The following ACAP2 variants were observed in gnomAD, a reference collection of about 807,000 sequenced individuals.
ACAP2 encodes arf-GAP with coiled-coil, ANK repeat and PH domain-containing protein 2.
In ACAP2, 39 loss-of-function variants were observed where a neutral mutation model predicts 115.8. That is an observed-to-expected ratio of 0.34 (90% CI 0.26 to 0.44). The LOEUF (loss-of-function observed/expected upper bound fraction) is 0.44, where lower values mean the gene tolerates loss of function less well. Ranked by LOEUF, ACAP2 falls within the 20% of genes least tolerant of loss-of-function variation. The pLI is 1.00. For missense variants in ACAP2, 662 were observed against 927.6 expected, an observed-to-expected ratio of 0.71 and a Z score of 3.72; for synonymous variants, 289 against 315.8, an observed-to-expected ratio of 0.92 and a Z score of 0.90.
At chr3:195,387,794 G>T (rs559429231) in intron 2 of ACAP2, among the ~76,000 whole-genome samples, 4 of 152,314 alleles carry the variant, frequency 2.6e-5, no homozygotes, top group African/African-American at 9.6e-5. Flanking sequence ...TCTTCAAGGA[G>T]CTAACAGTCT....
intron 1 of ACAP2, among the ~76,000 whole-genome samples, chr3:195,425,384 TTATAG>T (rs1009082758): frequency 6.6e-6 from 1 of 152,136 alleles, no homozygotes; most frequent in Non-Finnish European, 1.5e-5. Flanking sequence ...CAAATAAAAA[TTATAG>T]TATGTTATGT....
intron 13 of ACAP2, among the ~76,000 whole-genome samples, chr3:195,302,947 C>T (rs557824062): frequency 7.9e-5 from 12 of 152,200 alleles, no homozygotes; most frequent in African/African-American, 2.9e-4. Context: ...GGCACAATGG[C>T]TCATGTCTGT....
intron 8 of ACAP2, 133 bp from the exon 9 acceptor site, chr3:195,327,092 A>C (rs1729845329): frequency 4.8e-6 from 4 of 826,244 alleles, no homozygotes; most frequent in Admixed American, 5.7e-5. Context: ...GTTTTGGCTA[A>C]ATTTTGAAGT....
At chr3:195,377,675 T>C (rs1355167991) in intron 4 of ACAP2, among the ~76,000 whole-genome samples, 1 of 152,010 alleles carries the variant, frequency 6.6e-6, no homozygotes, top group African/African-American at 2.4e-5. Context: ...AAGTATTGGT[T>C]ACAAAACAAC....
chr3:195,404,852 C>T (rs948785790), intron 1 of ACAP2, among the ~76,000 whole-genome samples: 3 of 149,510 alleles, frequency 2.0e-5, no homozygotes, highest in Non-Finnish European at 3.0e-5. Flanking sequence ...GGCTGGAGTG[C>T]AATGGCACAA....
intron 4 of ACAP2, among the ~76,000 whole-genome samples, chr3:195,346,073 C>T (rs910638909): frequency 6.6e-5 from 10 of 152,144 alleles, no homozygotes; most frequent in African/African-American, 2.2e-4. Context: ...GAAAACAATA[C>T]CACAATTTCA....
At chr3:195,363,761 A>T (rs1319648623) in intron 4 of ACAP2, among the ~76,000 whole-genome samples, 1 of 152,156 alleles carries the variant, frequency 6.6e-6, no homozygotes, top group East Asian at 1.9e-4. Context: ...ACTGGCATAG[A>T]AACAGACACA....
chr3:195,367,064 A>C (rs1442035346), intron 4 of ACAP2, among the ~76,000 whole-genome samples: 3 of 151,806 alleles, frequency 2.0e-5, no homozygotes, highest in Non-Finnish European at 2.9e-5. Flanking sequence ...AAAAAAAAAA[A>C]AAAAAAACGG....
At chr3:195,350,181 C>T (rs992239596) in intron 4 of ACAP2, among the ~76,000 whole-genome samples, 17 of 152,240 alleles carry the variant, frequency 1.1e-4, no homozygotes, top group African/African-American at 2.9e-4. Flanking sequence ...ATACATTCAA[C>T]GCAATTCCAC....
At chr3:195,298,792 T>C (rs920082124) in intron 15 of ACAP2, among the ~76,000 whole-genome samples, 2 of 152,074 alleles carry the variant, frequency 1.3e-5, no homozygotes, top group African/African-American at 4.8e-5. Context: ...CCACCACGCC[T>C]GGCTAATTTT....
At chr3:195,394,540 G>A (rs981417862) in intron 1 of ACAP2, among the ~76,000 whole-genome samples, 1 of 152,154 alleles carries the variant, frequency 6.6e-6, no homozygotes, top group Non-Finnish European at 1.5e-5. Context: ...AAGCAGCAAG[G>A]CACAGTGGCT....
intron 13 of ACAP2, among the ~76,000 whole-genome samples, chr3:195,303,574 G>A (rs182333964): frequency 1.3e-5 from 2 of 152,038 alleles, no homozygotes; most frequent in African/African-American, 2.4e-5. Context: ...GTGACAGAGT[G>A]AGACTCCATC....
intron 4 of ACAP2, among the ~76,000 whole-genome samples, chr3:195,366,603 T>A (rs1465671751): frequency 6.6e-6 from 1 of 152,204 alleles, no homozygotes; most frequent in African/African-American, 2.4e-5. Flanking sequence ...GTGGTTTGTT[T>A]ACAGGAAACA....
chr3:195,307,172 A>G, intron 12 of ACAP2, 51 bp downstream of exon 12: 1 of 1,461,496 alleles, frequency 6.8e-7, no homozygotes. Flanking sequence ...GTTATTTAAG[A>G]CAAACTATAA....
chr3:195,421,747 A>G (rs1405974191), intron 1 of ACAP2, among the ~76,000 whole-genome samples: 1 of 152,214 alleles, frequency 6.6e-6, no homozygotes, highest in Non-Finnish European at 1.5e-5. Flanking sequence ...TTCCATACCT[A>G]AAAGATTTGA....
intron 6 of ACAP2, among the ~76,000 whole-genome samples, chr3:195,341,848 G>A (rs1451811990): frequency 2.6e-5 from 4 of 152,146 alleles, no homozygotes; most frequent in African/African-American, 7.2e-5. Flanking sequence ...CAGCAACTTA[G>A]AAGGAACTAG....
intron 13 of ACAP2, among the ~76,000 whole-genome samples, chr3:195,304,463 T>A (rs908898408): frequency 3.3e-5 from 5 of 152,092 alleles, no homozygotes; most frequent in African/African-American, 1.2e-4. Flanking sequence ...ACGAAAGTAT[T>A]AATAGGAGGA....
At chr3:195,441,274 A>C (rs1715973272) in intron 1 of ACAP2, among the ~76,000 whole-genome samples, 1 of 152,238 alleles carries the variant, frequency 6.6e-6, no homozygotes. Flanking sequence ...TCTAAGGTGC[A>C]CTTTAAAAAT....
intron 1 of ACAP2, among the ~76,000 whole-genome samples, chr3:195,404,611 C>CTTT (rs1712582703): frequency 1.3e-5 from 2 of 151,634 alleles, no homozygotes; most frequent in African/African-American, 4.8e-5. Context: ...AAAAAGAAAT[C>CTTT]TTCATTTTCT....
Sources: allele counts gnomAD v4.1 joint callset (sites outside exome capture counted in the v4.1 genomes callset), GRCh38; gene constraint gnomAD v4.1.1; transcripts MANE v1.5; gene names NCBI Gene and HGNC (gene_info 2026-07-23, HGNC 2026-07-21).